The following AGAP3 variants were observed in gnomAD, a reference collection of about 807,000 sequenced individuals.
AGAP3 encodes the protein ArfGAP with GTPase domain, ankyrin repeat and PH domain 3.
AGAP3 carries 24 observed loss-of-function variants against 96.9 expected under a neutral mutation model. The ratio of observed to expected loss-of-function variants is 0.25; its 90% CI spans 0.18 to 0.35. AGAP3 has a LOEUF of 0.35. Ranked by LOEUF, AGAP3 falls within the 10% of genes least tolerant of loss-of-function variation. The pLI is 1.00. For synonymous variants in AGAP3, 563 were observed against 536.1 expected (o/e 1.05, Z -0.69); for missense variants, 876 against 1,254.2 (o/e 0.70, Z 4.55).
intron 10 of AGAP3, among the ~76,000 whole-genome samples, chr7:151,132,485 C>T (rs1800439466): frequency 6.6e-6 from 1 of 152,206 alleles, no homozygotes; most frequent in Non-Finnish European, 1.5e-5. Flanking sequence ...TTCCTGAACA[C>T]ACCTTCTAAA....
intron 1 of AGAP3, among the ~76,000 whole-genome samples, chr7:151,097,773 C>A (rs185090229): frequency 3.1e-3 from 473 of 152,230 alleles, no homozygotes; most frequent in Middle Eastern, 6.8e-3. Context: ...CAAACACCCT[C>A]CCACCAGGCC....
At chr7:151,099,072 G>A (rs1488497816) in intron 1 of AGAP3, among the ~76,000 whole-genome samples, 2 of 151,828 alleles carry the variant, frequency 1.3e-5, no homozygotes, top group Admixed American at 1.3e-4. Context: ...GGCTGGGCAC[G>A]GTGGCTCACG....
intron 1 of AGAP3, among the ~76,000 whole-genome samples, chr7:151,094,762 G>A (rs1446999714): frequency 3.3e-5 from 5 of 151,774 alleles, no homozygotes; most frequent in South Asian, 2.1e-4. Flanking sequence ...TGATCTTCCC[G>A]TCTCACCTCC....
At chr7:151,119,848 C>A in intron 7 of AGAP3, 139 bp from the exon 8 acceptor site, 1 of 717,022 alleles carries the variant, frequency 1.4e-6, no homozygotes, top group Non-Finnish European at 2.3e-6. Context: ...CCCCCCATAT[C>A]ATCTGTAGGG....
rs1799700672 is a variant in AGAP3 at position 151,118,404 on chromosome 7, A to G, written c.841+60A>G. The G allele has an allele frequency of 6.3e-7, 1 of 1,595,698 alleles. No individual in the cohort carries two copies. Among genetic ancestry groups the G allele is most frequent in the Non-Finnish European group, 8.6e-7 (1 of 1,166,314 alleles). On this transcript the variant is annotated intron_variant, in intron 6 of 17. Transcript: ENST00000397238. This position sits in a 1 kb window ranked among gnomAD's most constrained non-coding sequence, Gnocchi z 6.1. ...CGCGGCCCCAGTGCTGGCGATAGGA[A>G]GGCTCCCAGTGAGAGCAAGGCTGTG...
In AGAP3 at chr7:151,117,099, T is replaced by C. The variant is rs1460389101; in HGVS notation, c.395T>C (p.Ile132Thr). 2 of 1,613,894 alleles carry C rather than the reference T, an allele frequency of 1.2e-6. No individual in the cohort carries two copies. The highest frequency in any genetic ancestry group is 1.7e-6 in the Non-Finnish European group (2 of 1,179,810). Reference sequence around the variant, plus strand: ...TCACCCCTTCCTCTCCCGCAGGGCATAGTGGGGAACCTGTCTAGCGGGAAG... The same window carrying C: ...TCACCCCTTCCTCTCCCGCAGGGCACAGTGGGGAACCTGTCTAGCGGGAAG... The part of the protein sequence containing the change: ...SRSVPELKVG[I>T]VGNLSSGKSA... The change falls in exon 3 of 18, where the codon ATA becomes ACA. Residue 132 changes from isoleucine (I) to threonine (T), a missense_variant. Physicochemically the swap from Ile to Thr is moderately conservative, Grantham distance 89. This residue lies in a region of AGAP3 where 131 missense variants were observed against 304.5 expected (regional missense o/e 0.43). Transcript: ENST00000397238.
rs192377301 is a variant in AGAP3, at chr7:151,110,688, G to C, written c.332-6105G>C. On this transcript the variant is annotated intron_variant, in intron 1 of 17. Transcript: ENST00000397238. ...GGGAGACCCCTAGGAAGCTGATGTGGTGCTTAGGCCCGGGAGGATGGTGGC... is the reference window on the plus strand; with the variant it reads ...GGGAGACCCCTAGGAAGCTGATGTGCTGCTTAGGCCCGGGAGGATGGTGGC... Among the ~76,000 whole-genome samples, 185 of 152,334 alleles carry C rather than the reference G, an allele frequency of 1.2e-3. 1 individual carries two copies. Among genetic ancestry groups the C allele is most frequent in the African/African-American group, 4.3e-3 (180 of 41,572 alleles).
chr7:151,111,034 C>A (rs1258759961), intron 1 of AGAP3, among the ~76,000 whole-genome samples: 1 of 152,126 alleles, frequency 6.6e-6, no homozygotes, highest in Admixed American at 6.5e-5. Context: ...TCTCCCCCCG[C>A]CCCCCGTCTT....
At chr7:151,122,602 C>T (rs952418940) in intron 8 of AGAP3, 1 of 1,096,380 alleles carries the variant, frequency 9.1e-7, no homozygotes, top group Middle Eastern at 2.1e-4. Context: ...CCTCCTCCTC[C>T]TCCTCTTCAT....
chr7:151,093,990 G>T (rs1798499795), intron 1 of AGAP3, among the ~76,000 whole-genome samples: 1 of 152,152 alleles, frequency 6.6e-6, no homozygotes, highest in South Asian at 2.1e-4. Flanking sequence ...CTGTTCTGAG[G>T]CTGCCTCTGT....
intron 1 of AGAP3, among the ~76,000 whole-genome samples, chr7:151,099,812 G>GT (rs1045019638): frequency 5.3e-5 from 8 of 152,110 alleles, no homozygotes; most frequent in African/African-American, 1.4e-4. Context: ...TTTTTGTAAG[G>GT]TTTTTTTTGT....
At chr7:151,127,298 C>T (rs185923139) in intron 9 of AGAP3, among the ~76,000 whole-genome samples, 29 of 152,166 alleles carry the variant, frequency 1.9e-4, no homozygotes, top group Non-Finnish European at 3.2e-4. Context: ...TGTCTTCTGG[C>T]GGGGCCCTCC....
intron 1 of AGAP3, among the ~76,000 whole-genome samples, chr7:151,105,182 C>T (rs1798993687): frequency 1.3e-5 from 2 of 152,210 alleles, no homozygotes. Flanking sequence ...TGTATCCCCT[C>T]AGAGTCTGAC....
chr7:151,123,319 CCTCT>C (rs764175311), intron 8 of AGAP3: 3 of 1,030,670 alleles, frequency 2.9e-6, no homozygotes, highest in East Asian at 2.0e-4. Context: ...TGGCCTCTCT[CCTCT>C]CTCTGTCCAT....
At chr7:151,101,041 G>A (rs1034303162) in intron 1 of AGAP3, among the ~76,000 whole-genome samples, 28 of 152,200 alleles carry the variant, frequency 1.8e-4, no homozygotes, top group African/African-American at 4.6e-4. Context: ...TGGAGCAGCC[G>A]CCACCTCCCC....
intron 1 of AGAP3, chr7:151,089,803 AG>A (rs1798313442): frequency 1.3e-5 from 1 of 78,750 alleles, no homozygotes; most frequent in South Asian, 3.9e-4. Flanking sequence ...GAAGAAGTAC[AG>A]CCTTCAGCTG....
At chr7:151,115,630 G>A in intron 1 of AGAP3, 1 of 1,167,996 alleles carries the variant, frequency 8.6e-7, no homozygotes, top group Non-Finnish European at 1.1e-6. Flanking sequence ...GAGCTCCTGC[G>A]CGCGCCCAGC....
chr7:151,129,219 C>T (rs929342011), intron 10 of AGAP3, among the ~76,000 whole-genome samples: 7 of 152,046 alleles, frequency 4.6e-5, no homozygotes, highest in African/African-American at 1.7e-4. Context: ...TTCTTTCCTC[C>T]CCTCCCCTCA....
chr7:151,119,863 G>A, intron 7 of AGAP3, 124 bp from the exon 8 acceptor site: 1 of 823,336 alleles, frequency 1.2e-6, no homozygotes, highest in Non-Finnish European at 1.9e-6. Flanking sequence ...GTAGGGGCTA[G>A]TGGCCCCTCT....
Sources: allele counts gnomAD v4.1 joint callset (sites outside exome capture counted in the v4.1 genomes callset), GRCh38; gene constraint gnomAD v4.1.1; regional missense constraint gnomAD v4.1.1; non-coding constraint Gnocchi (gnomAD v3.1); transcripts MANE v1.5; gene names NCBI Gene and HGNC (gene_info 2026-07-23, HGNC 2026-07-21).